Variants in SNTG1 observed in about 807,000 individuals in gnomAD.
The protein encoded by SNTG1 is gamma-1-syntrophin.
Under a neutral mutation model 74.7 loss-of-function variants are expected in SNTG1, and 39 were observed. The ratio of observed to expected loss-of-function variants is 0.52; its 90% CI spans 0.40 to 0.68. The LOEUF is 0.68. Ranked by LOEUF, SNTG1 falls within the 30% of genes least tolerant of loss-of-function variation. The probability of loss-of-function intolerance (pLI) is 0.00; values close to 1 mark genes in which losing one functional copy is unlikely to be tolerated. For missense variants in SNTG1, 685 were observed against 609.5 expected (o/e 1.12, Z -1.30); for synonymous variants, 254 against 217.1 (o/e 1.17, Z -1.49).
intron 12 of SNTG1, among the ~76,000 whole-genome samples, chr8:50,553,793 A>G (rs769518862): frequency 3.9e-5 from 6 of 152,174 alleles, no homozygotes; most frequent in Non-Finnish European, 5.9e-5. Flanking sequence ...GTTATTAATA[A>G]TTCTATGAGA....
At chr8:50,655,175 T>C (rs1205097378) in intron 13 of SNTG1, among the ~76,000 whole-genome samples, 1 of 152,208 alleles carries the variant, frequency 6.6e-6, no homozygotes, top group Non-Finnish European at 1.5e-5. Flanking sequence ...TGGTGGGTTG[T>C]CTACATTCTC....
chr8:50,741,363 T>C (rs2095542922), intron 17 of SNTG1, among the ~76,000 whole-genome samples: 1 of 152,134 alleles, frequency 6.6e-6, no homozygotes, highest in East Asian at 2.0e-4. Flanking sequence ...CCTCAGGTGA[T>C]CTTCCCGCAT....
At chr8:50,065,348 T>C (rs1820818413) in intron 1 of SNTG1, among the ~76,000 whole-genome samples, 1 of 152,176 alleles carries the variant, frequency 6.6e-6, no homozygotes, top group Non-Finnish European at 1.5e-5. Context: ...AAAAACAATT[T>C]TAATTTTACA....
intron 4 of SNTG1, among the ~76,000 whole-genome samples, chr8:50,435,055 C>T (rs1366243787): frequency 6.6e-6 from 1 of 151,936 alleles, no homozygotes; most frequent in Non-Finnish European, 1.5e-5. Flanking sequence ...CTATATGCAA[C>T]TTATAATATA....
intron 1 of SNTG1, among the ~76,000 whole-genome samples, chr8:50,073,399 C>G (rs1821548176): frequency 6.6e-6 from 1 of 152,208 alleles, no homozygotes; most frequent in East Asian, 1.9e-4. Context: ...AATTCTAGTT[C>G]TCTTGTTATT....
At chr8:50,377,268 G>A (rs2092404913) in intron 2 of SNTG1, among the ~76,000 whole-genome samples, 1 of 152,134 alleles carries the variant, frequency 6.6e-6, no homozygotes, top group Admixed American at 6.6e-5. Context: ...AATGGAATGT[G>A]TAGGGACATG....
chr8:49,916,914 A>C (rs1442919737), intron 1 of SNTG1, among the ~76,000 whole-genome samples: 1 of 151,972 alleles, frequency 6.6e-6, no homozygotes, highest in African/African-American at 2.4e-5. Flanking sequence ...AGTCTCAGCT[A>C]CTCAGGAGGC....
intron 1 of SNTG1, among the ~76,000 whole-genome samples, chr8:50,057,617 T>C (rs1252558500): frequency 2.0e-5 from 3 of 152,106 alleles, no homozygotes; most frequent in Non-Finnish European, 2.9e-5. Context: ...TAAGGACTGC[T>C]TTAAGGATTA....
intron 1 of SNTG1, among the ~76,000 whole-genome samples, chr8:49,973,426 A>G (rs1195579787): frequency 2.0e-5 from 3 of 152,022 alleles, no homozygotes; most frequent in Non-Finnish European, 2.9e-5. Context: ...TGACGAGTTA[A>G]TGGGTGCAGC....
intron 1 of SNTG1, among the ~76,000 whole-genome samples, chr8:50,113,007 A>T (rs2080662509): frequency 6.6e-6 from 1 of 152,234 alleles, no homozygotes; most frequent in East Asian, 1.9e-4. Flanking sequence ...CCTGTAGTAT[A>T]GTTTGAAGTC....
intron 2 of SNTG1, among the ~76,000 whole-genome samples, chr8:50,181,435 G>A (rs1184044420): frequency 6.6e-6 from 1 of 152,032 alleles, no homozygotes; most frequent in Non-Finnish European, 1.5e-5. Context: ...CAACCATTTG[G>A]TTAGCACGTG....
chr8:50,524,897 C>A (rs1312085248), intron 9 of SNTG1, among the ~76,000 whole-genome samples: 1 of 152,084 alleles, frequency 6.6e-6, no homozygotes, highest in East Asian at 1.9e-4. Flanking sequence ...CATTTAAATT[C>A]TGTACCACAA....
chr8:50,070,036 C>A (rs1009492296), intron 1 of SNTG1, among the ~76,000 whole-genome samples: 1 of 152,058 alleles, frequency 6.6e-6, no homozygotes, highest in African/African-American at 2.4e-5. Flanking sequence ...AAAACACCCA[C>A]GACACAGAGA....
At chr8:50,281,022 A>G (rs2088419249) in intron 2 of SNTG1, among the ~76,000 whole-genome samples, 1 of 152,018 alleles carries the variant, frequency 6.6e-6, no homozygotes, top group Admixed American at 6.5e-5. Context: ...AAAGAAAGAA[A>G]AATAAAAGGA....
At chr8:50,743,688 T>C (rs2095548865) in intron 17 of SNTG1, among the ~76,000 whole-genome samples, 1 of 150,688 alleles carries the variant, frequency 6.6e-6, no homozygotes, top group Admixed American at 6.6e-5. Flanking sequence ...ATTAGTAAAA[T>C]TATCTCTGCT....
chr8:49,944,697 G>A (rs1809008030), intron 1 of SNTG1, among the ~76,000 whole-genome samples: 1 of 150,834 alleles, frequency 6.6e-6, no homozygotes. Context: ...CCTGCACATT[G>A]TGCACATGTA....
intron 10 of SNTG1, among the ~76,000 whole-genome samples, chr8:50,531,558 T>C (rs1200128122): frequency 6.6e-6 from 1 of 152,192 alleles, no homozygotes. Flanking sequence ...TCTGTTTTCC[T>C]TCACCGCGCT....
At chr8:50,510,387 G>A (rs113876793) in intron 9 of SNTG1, among the ~76,000 whole-genome samples, 6,272 of 152,078 alleles carry the variant, frequency 0.041, 137 homozygotes, top group Middle Eastern at 0.12. Context: ...TTTTTTTGTC[G>A]TGTCTCTGCC....
chr8:50,616,216 A>G (rs2094884825), intron 13 of SNTG1, among the ~76,000 whole-genome samples: 1 of 152,250 alleles, frequency 6.6e-6, no homozygotes. Context: ...GACATATAAA[A>G]TTAACTGTTA....
Sources: gnomAD v4.1 joint callset for allele counts (sites outside exome capture counted in the v4.1 genomes callset) on GRCh38, gnomAD v4.1.1 for gene constraint, MANE v1.5 for transcripts, NCBI Gene and HGNC (gene_info 2026-07-23, HGNC 2026-07-21) for gene names.